The following EBF1 variants were observed in gnomAD, a reference collection of about 807,000 sequenced individuals.
EBF1 encodes transcription factor COE1.
EBF1 carries 10 observed loss-of-function variants against 68.4 expected under a neutral mutation model. The observed-to-expected ratio is 0.15, with a 90% CI of 0.09 to 0.25. The LOEUF (loss-of-function observed/expected upper bound fraction) is 0.25. Among genes scored for constraint, EBF1 ranks in the 10% least tolerant of loss-of-function variants. EBF1 has a pLI of 1.00. For missense variants in EBF1, 509 were observed against 794.4 expected, an observed-to-expected ratio of 0.64 and a Z score of 4.32; for synonymous variants, 298 against 299.8, an observed-to-expected ratio of 0.99 and a Z score of 0.06.
chr5:158,945,614 T>G (rs1814488638), intron 6 of EBF1, among the ~76,000 whole-genome samples: 1 of 152,224 alleles, frequency 6.6e-6, no homozygotes, highest in Non-Finnish European at 1.5e-5. Context: ...ATTTTTTCCT[T>G]CATTTCAACC....
intron 6 of EBF1, among the ~76,000 whole-genome samples, chr5:159,040,967 C>T (rs546305801): frequency 6.6e-6 from 1 of 150,886 alleles, no homozygotes; most frequent in Non-Finnish European, 1.5e-5. Context: ...CAAGAGACAC[C>T]AATAAACAGA....
chr5:159,062,780 C>T (rs997310615), intron 6 of EBF1, among the ~76,000 whole-genome samples: 1 of 152,144 alleles, frequency 6.6e-6, no homozygotes, highest in African/African-American at 2.4e-5. Flanking sequence ...TTCCCATTAT[C>T]ATGTGTAATA....
intron 10 of EBF1, among the ~76,000 whole-genome samples, chr5:158,737,839 T>C (rs1051529492): frequency 1.3e-5 from 2 of 152,114 alleles, no homozygotes; most frequent in Non-Finnish European, 2.9e-5. Flanking sequence ...GGAGGAAGAC[T>C]GATGAGGGAA....
chr5:159,095,547 G>T, intron 4 of EBF1, 73 bp downstream of exon 4: 1 of 1,572,228 alleles, frequency 6.4e-7, no homozygotes, highest in South Asian at 1.1e-5. Flanking sequence ...ACCTGCGGTG[G>T]AGCAACTAGC....
intron 6 of EBF1, among the ~76,000 whole-genome samples, chr5:158,909,126 A>G (rs915811446): frequency 3.3e-5 from 5 of 152,168 alleles, no homozygotes; most frequent in Non-Finnish European, 7.4e-5. Flanking sequence ...CAGAAAAAAA[A>G]AAAAGAAAAC....
chr5:158,957,393 G>A (rs1817349454), intron 6 of EBF1, among the ~76,000 whole-genome samples: 1 of 152,200 alleles, frequency 6.6e-6, no homozygotes, highest in South Asian at 2.1e-4. Context: ...AGTCCCAAGA[G>A]GGCAGGAACC....
intron 6 of EBF1, among the ~76,000 whole-genome samples, chr5:158,944,419 T>C (rs74365276): frequency 0.014 from 2,078 of 152,344 alleles, 24 homozygotes; most frequent in Admixed American, 0.025. Context: ...TATGGCCACA[T>C]AGTATTCCAT....
intron 9 of EBF1, among the ~76,000 whole-genome samples, chr5:158,783,940 C>T (rs1776920716): frequency 6.6e-6 from 1 of 152,162 alleles, no homozygotes; most frequent in Admixed American, 6.5e-5. Flanking sequence ...CCCATCATAT[C>T]AAAAGTATGG....
At chr5:158,873,051 A>G (rs866757978) in intron 6 of EBF1, among the ~76,000 whole-genome samples, 1 of 135,634 alleles carries the variant, frequency 7.4e-6, no homozygotes, top group Non-Finnish European at 1.5e-5. Flanking sequence ...TACAAGATCC[A>G]CAATGGCTTA....
chr5:158,787,954 T>C (rs1459645942), intron 9 of EBF1, among the ~76,000 whole-genome samples: 2 of 152,184 alleles, frequency 1.3e-5, no homozygotes, highest in Non-Finnish European at 2.9e-5. Context: ...TGGACCACAA[T>C]CTGTCTAGTA....
At position 159,095,625 on chromosome 5, in the gene EBF1, T is replaced by C; in HGVS notation, c.406A>G (p.Lys136Glu). Residue 136 changes from lysine to glutamate, a missense_variant, in exon 4 of 16, where the codon AAA becomes GAA. Physicochemically the swap from Lys to Glu is moderately conservative, Grantham distance 56. Around this residue, in one of 3 missense-constraint regions of EBF1, gnomAD observed 230 missense variants for 467.7 expected, o/e 0.49. Transcript: ENST00000313708. ...CCCAAAATCAAGAAACTTACTTGTTTTGTCATGGAGTCAATGAGGCGCACG... is the reference window on the plus strand; with the variant it reads ...CCCAAAATCAAGAAACTTACTTGTTCTGTCATGGAGTCAATGAGGCGCACG... ...FYVRLIDSMT[K>E]QAIVYEGQDK... 8.1e-6 allele frequency: 13 copies of C among 1,613,916 alleles called. No homozygotes were observed. The highest frequency in any genetic ancestry group is 1.1e-5 in the Non-Finnish European group (13 of 1,179,828).
At chr5:159,096,529 C>G (rs1782639035) in intron 2 of EBF1, 123 bp from the exon 3 acceptor site, 1 of 1,056,670 alleles carries the variant, frequency 9.5e-7, no homozygotes, top group Non-Finnish European at 1.4e-6. Flanking sequence ...CAGGCAGCCA[C>G]GGTAGCAGCA....
intron 10 of EBF1, among the ~76,000 whole-genome samples, chr5:158,757,991 A>G (rs1250634300): frequency 6.6e-6 from 1 of 152,198 alleles, no homozygotes; most frequent in Admixed American, 6.6e-5. Flanking sequence ...TCACAGATTG[A>G]GAACCACTTA....
chr5:158,986,103 T>G (rs1036102993), intron 6 of EBF1, among the ~76,000 whole-genome samples: 1 of 152,238 alleles, frequency 6.6e-6, no homozygotes, highest in African/African-American at 2.4e-5. Context: ...GTGTGATAAA[T>G]GCTGAGCCAC....
chr5:158,739,940 A>T (rs1765953263), intron 10 of EBF1, among the ~76,000 whole-genome samples: 1 of 152,232 alleles, frequency 6.6e-6, no homozygotes. Flanking sequence ...GCAGGCGATA[A>T]ACCGCATTGA....
At chr5:158,960,874 C>CTG (rs1461217226) in intron 6 of EBF1, among the ~76,000 whole-genome samples, 1 of 152,200 alleles carries the variant, frequency 6.6e-6, no homozygotes, top group Non-Finnish European at 1.5e-5. Flanking sequence ...GCCAATAGCC[C>CTG]TGTGAACGAA....
intron 6 of EBF1, among the ~76,000 whole-genome samples, chr5:159,049,356 C>T (rs1245260651): frequency 6.6e-6 from 1 of 152,134 alleles, no homozygotes; most frequent in East Asian, 1.9e-4. Flanking sequence ...TCTAATTAAG[C>T]ATCACTTGAG....
intron 9 of EBF1, among the ~76,000 whole-genome samples, chr5:158,784,647 G>A (rs890133167): frequency 6.6e-6 from 1 of 151,930 alleles, no homozygotes; most frequent in Non-Finnish European, 1.5e-5. Flanking sequence ...CTCATTACTA[G>A]GTTTAGGACC....
intron 6 of EBF1, among the ~76,000 whole-genome samples, chr5:158,884,246 C>T (rs1799537175): frequency 6.6e-6 from 1 of 152,162 alleles, no homozygotes; most frequent in African/African-American, 2.4e-5. Context: ...TAGCAAAATA[C>T]AGTAAGTGAG....
Sources: allele counts gnomAD v4.1 joint callset (sites outside exome capture counted in the v4.1 genomes callset), GRCh38; gene constraint gnomAD v4.1.1; regional missense constraint gnomAD v4.1.1; transcripts MANE v1.5; gene names NCBI Gene and HGNC (gene_info 2026-07-23, HGNC 2026-07-21).